The following CACNA1A variants were observed in gnomAD, a reference collection of about 807,000 sequenced individuals.
The protein encoded by CACNA1A is calcium voltage-gated channel subunit alpha1 A, also known as voltage-dependent P/Q-type calcium channel subunit alpha-1A.
In CACNA1A, 57 loss-of-function variants were observed where a neutral mutation model predicts 262.4. That is an observed-to-expected ratio of 0.22 (90% confidence interval 0.18 to 0.27). The LOEUF is 0.27. CACNA1A is among the 10% of genes least tolerant of loss of function. The pLI, the probability that CACNA1A is intolerant of heterozygous loss-of-function variation, is 1.00. For missense variants in CACNA1A, 2,526 were observed against 3,562.8 expected, an observed-to-expected ratio of 0.71 and a Z score of 7.41; for synonymous variants, 1,431 against 1,419.3, an observed-to-expected ratio of 1.01 and a Z score of -0.18.
At position 13,212,458 on chromosome 19, in the gene CACNA1A, A is replaced by C; in HGVS notation, c.6115T>G (p.Phe2039Val). 1 of 1,608,626 alleles carries C rather than the reference A, an allele frequency of 6.2e-7. No individual in the cohort carries two copies. The highest frequency in any genetic ancestry group is 8.5e-7 in the Non-Finnish European group (1 of 1,177,704). ...SWVTQRAQEM[F>V]QKTGTWSPEQ... ...GGACTCCATGTGCCCGTCTTCTGGA[A>C]CATCTCCTGGGCACGCTGGGTCACC... is the stretch of plus-strand genomic sequence containing the variant. The change falls in exon 42 of 47, where the codon TTC (phenylalanine) becomes GTC (valine). Residue 2039 changes from phenylalanine to valine, a missense_variant. By Grantham distance (50) the Phe-to-Val change is conservative. Transcript: ENST00000360228. This position sits in a 1 kb window ranked among gnomAD's most constrained non-coding sequence, Gnocchi z 5.6.
intron 6 of CACNA1A, among the ~76,000 whole-genome samples, chr19:13,349,393 T>C (rs561244586): frequency 1.3e-5 from 2 of 152,276 alleles, no homozygotes; most frequent in Admixed American, 1.3e-4. Flanking sequence ...CCCCATGAAG[T>C]GACCCCAATT....
intron 5 of CACNA1A, chr19:13,364,826 A>AGATGGG (rs1166162388): frequency 6.6e-6 from 1 of 152,344 alleles, no homozygotes; most frequent in Non-Finnish European, 1.5e-5. Flanking sequence ...TTTTTAGTAC[A>AGATGGG]GATGGGGTTT....
At chr19:13,339,407 AG>A (rs2058637853) in intron 6 of CACNA1A, among the ~76,000 whole-genome samples, 1 of 152,160 alleles carries the variant, frequency 6.6e-6, no homozygotes, top group African/African-American at 2.4e-5. Flanking sequence ...TAGTGGGGAC[AG>A]AGTTACATTT....
At chr19:13,279,888 A>C (rs574176390) in intron 22 of CACNA1A, among the ~76,000 whole-genome samples, 60 of 152,064 alleles carry the variant, frequency 3.9e-4, no homozygotes, top group African/African-American at 1.4e-3. Context: ...GGCTCACTGC[A>C]ACCTCCACCT....
intron 46 of CACNA1A, 101 bp downstream of exon 46, chr19:13,208,655 C>T (rs2054671659): frequency 1.2e-5 from 16 of 1,382,562 alleles, no homozygotes; most frequent in South Asian, 4.4e-5. Context: ...AGCCGGGATC[C>T]GGGGACCTTT....
In CACNA1A at chr19:13,207,117, GGAGGGTCTCTTTTGGCC is replaced by G. The variant is rs369006206; in HGVS notation, c.*179_*195del. On this transcript the variant is annotated 3_prime_UTR_variant, in exon 47 of 47. Transcript: ENST00000360228. The surrounding 1 kb of genome is among the most constrained non-coding windows in gnomAD (Gnocchi z 5.7). Reference sequence around the variant, plus strand: ...GGTTGGGGGGCGCCGTGGCTGCCCAGGAGGGTCTCTTTTGGCCGAGGGTCTCTGCGGGACACCCTTGT... The same window carrying G: ...GGTTGGGGGGCGCCGTGGCTGCCCAGGAGGGTCTCTGCGGGACACCCTTGT... The G allele has an allele frequency of 4.4e-4, 233 of 532,014 alleles. 2 individuals are homozygous for G. The highest frequency in any genetic ancestry group is 4.1e-3 in the African/African-American group (198 of 48,754). The allele number at this position is 532,014 out of a possible 1,614,324, so 33.0% of individuals were successfully genotyped here. A position where few individuals can be genotyped will look rare whatever the true frequency, so the allele number is the denominator to read the frequency against.
At chr19:13,354,493 C>T (rs1016102651) in intron 6 of CACNA1A, among the ~76,000 whole-genome samples, 5 of 152,204 alleles carry the variant, frequency 3.3e-5, no homozygotes, top group African/African-American at 1.2e-4. Flanking sequence ...GCTGTGTCCT[C>T]CTCAGCAGAA....
In CACNA1A at chr19:13,346,682, T is replaced by A. The variant is rs1479399826; in HGVS notation, c.979-10773A>T. ...TATATATATATTTTTTTTTTTTTTT[T>A]TTTTTTTTTTTTTTTGAGACAGAGT... On this transcript the variant is annotated intron_variant, in intron 6 of 46. Transcript: ENST00000360228. Among the ~76,000 whole-genome samples, 6 of 81,178 alleles carry A rather than the reference T, an allele frequency of 7.4e-5. 1 individual carries two copies. Among genetic ancestry groups the A allele is most frequent in the Admixed American group, 4.1e-4 (3 of 7,304 alleles). 53.3% of individuals were successfully genotyped at this position (81,178 alleles called of 152,430 possible).
chr19:13,254,432 G>A (rs908661825), intron 29 of CACNA1A, among the ~76,000 whole-genome samples: 5 of 150,932 alleles, frequency 3.3e-5, no homozygotes, highest in Non-Finnish European at 5.9e-5. Flanking sequence ...GCGCTATCTC[G>A]GCTCATGGCA....
intron 22 of CACNA1A, among the ~76,000 whole-genome samples, chr19:13,280,702 A>G (rs1349884701): frequency 6.6e-6 from 1 of 152,038 alleles, no homozygotes; most frequent in Admixed American, 6.5e-5. Context: ...GCACTTTGGG[A>G]GGCCAAGGCG....
chr19:13,337,113 A>G (rs2900915), intron 6 of CACNA1A, among the ~76,000 whole-genome samples: 101,281 of 152,112 alleles, frequency 0.67, 33,966 homozygotes, highest in Admixed American at 0.75. Context: ...GAGCAACTGG[A>G]ACCCTCATAA....
intron 6 of CACNA1A, among the ~76,000 whole-genome samples, chr19:13,357,506 G>C (rs1348611695): frequency 6.6e-6 from 1 of 152,164 alleles, no homozygotes; most frequent in Non-Finnish European, 1.5e-5. Context: ...TGTGTGTATG[G>C]AGCAGCCCCA....
At chr19:13,341,507 T>G (rs7257050) in intron 6 of CACNA1A, among the ~76,000 whole-genome samples, 66,535 of 152,098 alleles carry the variant, frequency 0.44, 16,234 homozygotes, top group Non-Finnish European at 0.55. Context: ...TCCTTGCTTT[T>G]ATCTCCTCCC....
chr19:13,334,068 T>C, intron 8 of CACNA1A: 1 of 292,780 alleles, frequency 3.4e-6, no homozygotes. Context: ...TACCATCGCC[T>C]CCATGTAACA....
At chr19:13,227,100 G>C (rs764938169) in intron 37 of CACNA1A, 2 of 169,850 alleles carry the variant, frequency 1.2e-5, no homozygotes, top group Non-Finnish European at 2.5e-5. Context: ...CTGAAGAAGC[G>C]TGTTTGTTTC....
At chr19:13,473,196 G>C (rs901595840) in intron 1 of CACNA1A, among the ~76,000 whole-genome samples, 2 of 151,542 alleles carry the variant, frequency 1.3e-5, no homozygotes, top group African/African-American at 4.9e-5. Context: ...AGCAGTTGCA[G>C]TGAGCTATAA....
intron 31 of CACNA1A, among the ~76,000 whole-genome samples, chr19:13,240,846 C>T (rs1471219369): frequency 1.3e-5 from 2 of 152,206 alleles, no homozygotes; most frequent in Admixed American, 6.5e-5. Context: ...TGTGTGACTG[C>T]GTGTGCACGT....
chr19:13,262,714 C>A lies in CACNA1A; in HGVS notation c.4089+20G>T. 6.5e-7 allele frequency: 1 copy of A among 1,530,568 alleles called. No individual in the cohort carries two copies. Among genetic ancestry groups the A allele is most frequent in the Non-Finnish European group, 9.0e-7 (1 of 1,107,482 alleles). The allele number at this position is 1,530,568 out of a possible 1,614,324, so 94.8% of individuals were successfully genotyped here. ...CCCTGACAGTCCCCCCCACCGCACC[C>A]CACCATCTCCCAATCTCACCTTGAG... On this transcript the variant is annotated intron_variant, in intron 25 of 46. Transcript: ENST00000360228.
chr19:13,489,889 A>C (rs1387467159), intron 1 of CACNA1A, among the ~76,000 whole-genome samples: 1 of 151,942 alleles, frequency 6.6e-6, no homozygotes, highest in Non-Finnish European at 1.5e-5. Context: ...GTCACCTCCA[A>C]ATGCAGCTAA....
Sources: gnomAD v4.1 joint callset for allele counts (sites outside exome capture counted in the v4.1 genomes callset) on GRCh38, gnomAD v4.1.1 for gene constraint, Gnocchi (gnomAD v3.1) non-coding constraint, MANE v1.5 for transcripts, NCBI Gene and HGNC (gene_info 2026-07-23, HGNC 2026-07-21) for gene names.